The following ZC3H12B variants were observed in gnomAD, a reference collection of about 807,000 sequenced individuals.
The protein encoded by ZC3H12B is zinc finger CCCH-type containing 12B.
Under a neutral mutation model 43.9 loss-of-function variants are expected in ZC3H12B, and 7 were observed. The ratio of observed to expected loss-of-function variants is 0.16; its 90% CI spans 0.09 to 0.30. The LOEUF (loss-of-function observed/expected upper bound fraction) is 0.30, where lower values mean the gene tolerates loss of function less well. Among genes scored for constraint, ZC3H12B ranks in the 10% least tolerant of loss-of-function variants. ZC3H12B has a pLI of 1.00. For missense variants in ZC3H12B, 475 were observed against 670.2 expected, an observed-to-expected ratio of 0.71 and a Z score of 3.22; for synonymous variants, 222 against 241.7, an observed-to-expected ratio of 0.92 and a Z score of 0.76.
At chrX:65,099,030 A>T in the ZC3H12B span, among the ~76,000 whole-genome samples, 5 of 111,225 alleles carry the variant, frequency 4.5e-5, no homozygotes. Context: ...ACCTGGGATG[A>T]TTGAGCATGG....
chrX:65,196,043 C>T, the ZC3H12B span, among the ~76,000 whole-genome samples: 10 of 111,768 alleles, frequency 8.9e-5, no homozygotes, highest in East Asian at 2.3e-3. Flanking sequence ...CTCAGCTAGA[C>T]TGGCAGAGCA....
chrX:65,466,939 T>C (rs866605947), intron 3 of ZC3H12B, among the ~76,000 whole-genome samples: 1 of 50,517 alleles, frequency 2.0e-5, no homozygotes, highest in African/African-American at 1.0e-4. Context: ...TATATATATA[T>C]ATATATATAT....
chrX:65,047,586 G>C, the ZC3H12B span, among the ~76,000 whole-genome samples: 1 of 111,026 alleles, frequency 9.0e-6, no homozygotes, highest in African/African-American at 3.3e-5. Flanking sequence ...GTCTTTCTCT[G>C]TAATTCTGCT....
chrX:65,173,712 G>C, the ZC3H12B span, among the ~76,000 whole-genome samples: 4 of 111,860 alleles, frequency 3.6e-5, no homozygotes, highest in South Asian at 7.4e-4. Flanking sequence ...CTGTTTTTGT[G>C]ATCAATTACA....
chrX:65,380,394 G>A (rs927693356), intron 2 of ZC3H12B, among the ~76,000 whole-genome samples: 3 of 111,145 alleles, frequency 2.7e-5, no homozygotes, highest in Non-Finnish European at 5.7e-5. Flanking sequence ...ATACTTTACA[G>A]ACAAGCAAAT....
At chrX:65,093,496 CA>C in the ZC3H12B span, among the ~76,000 whole-genome samples, 1 of 112,125 alleles carries the variant, frequency 8.9e-6, no homozygotes, top group African/African-American at 3.2e-5. Flanking sequence ...CCTGCAAAGC[CA>C]CAGGGGCAGG....
chrX:65,155,019 A>G, the ZC3H12B span, among the ~76,000 whole-genome samples: 1 of 107,878 alleles, frequency 9.3e-6, no homozygotes, highest in South Asian at 4.2e-4. Flanking sequence ...ACAGTGGCAC[A>G]ATCTCAGCTC....
the ZC3H12B span, among the ~76,000 whole-genome samples, chrX:65,174,768 G>A: frequency 2.7e-5 from 3 of 111,639 alleles, no homozygotes; most frequent in Admixed American, 1.9e-4. Context: ...TGCTGTGCTC[G>A]CAGTGAGAAT....
At chrX:65,216,828 G>C in the ZC3H12B span, among the ~76,000 whole-genome samples, 1 of 112,083 alleles carries the variant, frequency 8.9e-6, no homozygotes, top group Non-Finnish European at 1.9e-5. Flanking sequence ...TCCTTTGTAT[G>C]GTATTTCTAG....
chrX:65,465,884 T>A (rs1354873078), intron 3 of ZC3H12B, among the ~76,000 whole-genome samples: 1 of 110,296 alleles, frequency 9.1e-6, no homozygotes. Context: ...AACTTCATGA[T>A]TATATATATT....
chrX:65,157,991 C>T, the ZC3H12B span, among the ~76,000 whole-genome samples: 1 of 95,525 alleles, frequency 1.0e-5, no homozygotes, highest in Non-Finnish European at 2.1e-5. Context: ...TCTCATTGTT[C>T]AATTCCCACC....
chrX:65,080,321 A>G, the ZC3H12B span, among the ~76,000 whole-genome samples: 2 of 110,777 alleles, frequency 1.8e-5, no homozygotes, highest in Admixed American at 1.9e-4. Flanking sequence ...ATTCAAAAAG[A>G]TAATAACAGA....
At chrX:65,263,042 T>C in the ZC3H12B span, among the ~76,000 whole-genome samples, 1 of 111,180 alleles carries the variant, frequency 9.0e-6, no homozygotes, top group Non-Finnish European at 1.9e-5. Context: ...ACTGTATGAC[T>C]TTGGGCAAAT....
the ZC3H12B span, among the ~76,000 whole-genome samples, chrX:65,301,573 G>A: frequency 9.0e-6 from 1 of 110,779 alleles, no homozygotes; most frequent in African/African-American, 3.3e-5. Flanking sequence ...GAATAGTATT[G>A]GAGACAATTA....
the ZC3H12B span, among the ~76,000 whole-genome samples, chrX:65,261,087 A>G: frequency 8.9e-6 from 1 of 112,111 alleles, no homozygotes; most frequent in African/African-American, 3.2e-5. Context: ...TAAATTCATT[A>G]AATCAAATTA....
At chrX:65,401,146 T>A (rs2066757759) in intron 3 of ZC3H12B, among the ~76,000 whole-genome samples, 1 of 110,298 alleles carries the variant, frequency 9.1e-6, no homozygotes, top group African/African-American at 3.3e-5. Context: ...ATACCTGGTT[T>A]TAACTCTATA....
chrX:65,169,673 C>T, the ZC3H12B span, among the ~76,000 whole-genome samples: 1 of 111,649 alleles, frequency 9.0e-6, no homozygotes, highest in Non-Finnish European at 1.9e-5. Flanking sequence ...TAGTCTAAGT[C>T]TCTTTGTAAG....
intron 3 of ZC3H12B, among the ~76,000 whole-genome samples, chrX:65,416,902 C>A (rs1210325694): frequency 1.8e-5 from 2 of 111,778 alleles, no homozygotes; most frequent in Non-Finnish European, 1.9e-5. Flanking sequence ...TGATTATGAT[C>A]AAGTTTGATA....
At chrX:65,311,851 G>A in the ZC3H12B span, among the ~76,000 whole-genome samples, 1 of 111,069 alleles carries the variant, frequency 9.0e-6, no homozygotes, top group Non-Finnish European at 1.9e-5. Flanking sequence ...GCAGGGACAT[G>A]GATGCAGCTG....
Sources: allele counts gnomAD v4.1 joint callset (sites outside exome capture counted in the v4.1 genomes callset), GRCh38; gene constraint gnomAD v4.1.1; transcripts MANE v1.5; gene names NCBI Gene and HGNC (gene_info 2026-07-23, HGNC 2026-07-21).